The following MYO5A variants were observed in gnomAD, a reference collection of about 807,000 sequenced individuals.
MYO5A encodes unconventional myosin-Va.
Under a neutral mutation model 249.7 loss-of-function variants are expected in MYO5A, and 98 were observed. That is an observed-to-expected ratio of 0.39 (90% CI 0.33 to 0.46). MYO5A has a LOEUF of 0.46. Ranked by LOEUF, MYO5A falls within the 20% of genes least tolerant of loss-of-function variation. MYO5A has a pLI of 0.98. For synonymous variants in MYO5A, 778 were observed against 810.6 expected (o/e 0.96, Z 0.68); for missense variants, 1,696 against 2,308.8 (o/e 0.73, Z 5.44).
rs756292949 is a variant in MYO5A at position 52,313,649 on chromosome 15, T to G, written c.*47A>C. ...TAACTCACTGGAAATAATGGGTTCT[T>G]ATTTCGGGCAAGAAATGTATTGTCA... On this transcript the variant is annotated 3_prime_UTR_variant, in exon 42 of 42. Coordinates refer to ENST00000399233, the MANE Select transcript of MYO5A (RefSeq NM_001382347.1). 23 of 1,607,046 alleles carry G rather than the reference T, an allele frequency of 1.4e-5. No individual in the cohort carries two copies. Among genetic ancestry groups the G allele is most frequent in the Non-Finnish European group, 2.0e-5 (23 of 1,173,882 alleles).
intron 1 of MYO5A, among the ~76,000 whole-genome samples, chr15:52,459,815 G>T (rs2076203650): frequency 6.6e-6 from 1 of 151,254 alleles, no homozygotes; most frequent in South Asian, 2.1e-4. Context: ...TTCCCAGACG[G>T]GGCGGCCGGG....
At chr15:52,370,582 T>C (rs1038642868) in intron 21 of MYO5A, among the ~76,000 whole-genome samples, 165 bp from the exon 22 acceptor site, 1 of 152,194 alleles carries the variant, frequency 6.6e-6, no homozygotes. Flanking sequence ...CAATACCTTC[T>C]AGGTGACACA....
intron 21 of MYO5A, among the ~76,000 whole-genome samples, chr15:52,371,880 A>AATAATG (rs1377124638): frequency 2.9e-4 from 6 of 20,784 alleles, no homozygotes; most frequent in Middle Eastern, 0.029. Flanking sequence ...AAATAATAGT[A>AATAATG]ATAATAATAA....
intron 1 of MYO5A, among the ~76,000 whole-genome samples, chr15:52,449,290 T>C (rs1458234081): frequency 6.6e-6 from 1 of 152,116 alleles, no homozygotes; most frequent in Admixed American, 6.5e-5. Flanking sequence ...TTTATAGCAG[T>C]ATGAGAATGG....
chr15:52,426,739 G>A (rs1328236001), intron 3 of MYO5A, among the ~76,000 whole-genome samples: 2 of 152,146 alleles, frequency 1.3e-5, no homozygotes, highest in Non-Finnish European at 2.9e-5. Context: ...GGATTACAGG[G>A]TAAGCCACAG....
At chr15:52,442,333 G>C (rs568289193) in intron 1 of MYO5A, among the ~76,000 whole-genome samples, 1 of 152,318 alleles carries the variant, frequency 6.6e-6, no homozygotes, top group East Asian at 1.9e-4. Context: ...TCTAGATCAG[G>C]GCAAGGGGTC....
chr15:52,408,869 C>T (rs2043126982), intron 6 of MYO5A, among the ~76,000 whole-genome samples: 1 of 152,114 alleles, frequency 6.6e-6, no homozygotes, highest in South Asian at 2.1e-4. Context: ...GGGCTGATGT[C>T]TGGAAAAGAA....
intron 2 of MYO5A, 127 bp from the exon 3 acceptor site, chr15:52,428,696 C>G: frequency 1.0e-6 from 1 of 968,752 alleles, no homozygotes; most frequent in South Asian, 1.3e-5. Context: ...TTTCCTAGCA[C>G]CTTCCAATAT....
chr15:52,507,491 A>G (rs2141606005), intron 1 of MYO5A, among the ~76,000 whole-genome samples: 1 of 152,324 alleles, frequency 6.6e-6, no homozygotes, highest in Middle Eastern at 3.4e-3. Context: ...TAGTGTACAT[A>G]GCTGATGTCC....
Position 52,364,652 on chromosome 15 carries a change from G to T in MYO5A, c.3211C>A (p.Leu1071Ile). The part of the protein sequence containing the change: ...VEETKQLELD[L>I]NDERLRYQNL... ...TGATATCTCAGCCTTTCATCATTAA[G>T]GTCGAGTTCCAGTTGTTTCGTTTCT... The change falls in exon 24 of 42, where the codon CTT becomes ATT. Residue 1071 changes from leucine to isoleucine, a missense_variant. Leu to Ile is a conservative substitution (Grantham distance 5, BLOSUM62 2). Around this residue, in one of 5 missense-constraint regions of MYO5A, gnomAD observed 412 missense variants for 453.3 expected, o/e 0.91. Transcript: ENST00000399233. 6.2e-7 allele frequency: 1 copy of T among 1,613,786 alleles called. No individual in the cohort carries two copies.
intron 1 of MYO5A, among the ~76,000 whole-genome samples, chr15:52,492,312 A>G (rs2076951099): frequency 1.3e-5 from 2 of 152,208 alleles, no homozygotes; most frequent in Non-Finnish European, 2.9e-5. Context: ...GGTGCATGAC[A>G]TAATGTTTAG....
Position 52,350,195 on chromosome 15 carries a change from G to T in MYO5A, c.3849+1059C>A, listed in dbSNP as rs150920175. On this transcript the variant is annotated intron_variant, in intron 28 of 41. Coordinates refer to ENST00000399233, the MANE Select transcript of MYO5A (RefSeq NM_001382347.1). ...GATCTGCCCGCCTCGGCCTCCCAAA[G>T]TGTTGAGATTACAGGCGTGAGCCAC... is the stretch of plus-strand genomic sequence containing the variant. Among the ~76,000 whole-genome samples, 949 of 152,282 alleles carry T rather than the reference G, an allele frequency of 6.2e-3. 9 individuals carry two copies. The highest frequency in any genetic ancestry group is 0.022 in the African/African-American group (914 of 41,554).
intron 8 of MYO5A, among the ~76,000 whole-genome samples, chr15:52,405,987 C>T (rs1595613611): frequency 6.6e-6 from 1 of 152,158 alleles, no homozygotes; most frequent in Non-Finnish European, 1.5e-5. Flanking sequence ...AGATTAGAAG[C>T]GTTTAGGCTG....
At chr15:52,528,672 C>T (rs2077769168) in intron 1 of MYO5A, 108 bp downstream of exon 1, 2 of 1,294,540 alleles carry the variant, frequency 1.5e-6, no homozygotes, top group Non-Finnish European at 1.0e-6. Context: ...GGGGATGGCG[C>T]TGGTGGGGCT....
chr15:52,370,284 C>A lies in MYO5A; in HGVS notation c.2951G>T (p.Arg984Leu). 2 of 1,614,100 alleles carry A rather than the reference C, an allele frequency of 1.2e-6. No individual in the cohort carries two copies. The highest frequency in any genetic ancestry group is 1.7e-6 in the Non-Finnish European group (2 of 1,179,998). The change falls in exon 22 of 42, where the codon CGG (arginine) becomes CTG (leucine). Residue 984 changes from arginine (R) to leucine (L), a missense_variant. This residue lies in a region of MYO5A where 412 missense variants were observed against 453.3 expected (regional missense o/e 0.91). Coordinates refer to ENST00000399233, the MANE Select transcript of MYO5A (RefSeq NM_001382347.1). ...SEEEAKVATG[R>L]VLSLQEEIAK... ...AATTTCTTCCTGCAGACTAAGGACC[C>A]GCCCAGTGGCAACTTTCGCTTCCTC...
intron 4 of MYO5A, among the ~76,000 whole-genome samples, chr15:52,420,322 A>G (rs2043727600): frequency 7.2e-6 from 1 of 139,860 alleles, no homozygotes; most frequent in African/African-American, 2.7e-5. Context: ...AAAAAAAAAA[A>G]GGTGACTAGG....
intron 1 of MYO5A, among the ~76,000 whole-genome samples, chr15:52,440,129 A>G (rs1200211459): frequency 6.6e-6 from 1 of 152,280 alleles, no homozygotes; most frequent in Non-Finnish European, 1.5e-5. Context: ...AGGCACGTTC[A>G]AGGGACATGC....
intron 1 of MYO5A, among the ~76,000 whole-genome samples, chr15:52,526,010 G>A (rs1244490977): frequency 6.6e-6 from 1 of 152,168 alleles, no homozygotes; most frequent in African/African-American, 2.4e-5. Context: ...TGCCTGATAA[G>A]TATTTCTGCT....
chr15:52,466,456 G>C (rs2076355621), intron 1 of MYO5A, among the ~76,000 whole-genome samples: 1 of 152,214 alleles, frequency 6.6e-6, no homozygotes, highest in Admixed American at 6.5e-5. Context: ...CTGCACTGCA[G>C]ACGAGAAGCA....
Sources: gnomAD v4.1 joint callset for allele counts (sites outside exome capture counted in the v4.1 genomes callset) on GRCh38, gnomAD v4.1.1 for gene constraint, gnomAD v4.1.1 regional missense constraint, MANE v1.5 for transcripts, NCBI Gene and HGNC (gene_info 2026-07-23, HGNC 2026-07-21) for gene names.